FBXW7: variants seen among roughly 807,000 people sequenced by gnomAD.
FBXW7 encodes the protein F-box/WD repeat-containing protein 7.
In FBXW7, 11 loss-of-function variants were observed where a neutral mutation model predicts 86.3. The observed-to-expected ratio is 0.13, with a 90% CI of 0.08 to 0.21. The LOEUF (loss-of-function observed/expected upper bound fraction) is 0.21. Ranked by LOEUF, FBXW7 falls within the 10% of genes least tolerant of loss-of-function variation. The pLI, the probability that FBXW7 is intolerant of heterozygous loss-of-function variation, is 1.00. For synonymous variants in FBXW7, 313 were observed against 297.9 expected, an observed-to-expected ratio of 1.05 and a Z score of -0.52; for missense variants, 488 against 847.4, an observed-to-expected ratio of 0.58 and a Z score of 5.27.
At chr4:152,396,811 C>G (rs1017938110) in intron 4 of FBXW7, among the ~76,000 whole-genome samples, 2 of 151,918 alleles carry the variant, frequency 1.3e-5, no homozygotes, top group Non-Finnish European at 2.9e-5. Flanking sequence ...AGAAAACTAG[C>G]AAACACACCA....
intron 4 of FBXW7, among the ~76,000 whole-genome samples, chr4:152,398,165 A>T: frequency 6.6e-6 from 1 of 152,042 alleles, no homozygotes; most frequent in Non-Finnish European, 1.5e-5. Flanking sequence ...TGAGCAAGAC[A>T]TACTATACTA....
At chr4:152,476,431 C>T (rs762660539) in intron 2 of FBXW7, among the ~76,000 whole-genome samples, 49 of 152,016 alleles carry the variant, frequency 3.2e-4, no homozygotes, top group Non-Finnish European at 6.2e-4. Context: ...CAAAAAGTTC[C>T]TAAGACAATT....
intron 6 of FBXW7, among the ~76,000 whole-genome samples, chr4:152,345,599 G>A (rs972657913): frequency 2.0e-5 from 3 of 151,902 alleles, no homozygotes; most frequent in African/African-American, 7.3e-5. Context: ...AGACACTTTT[G>A]TCTCAACGCG....
At chr4:152,490,773 TATAATTA>T (rs1222652552) in intron 2 of FBXW7, among the ~76,000 whole-genome samples, 1 of 152,142 alleles carries the variant, frequency 6.6e-6, no homozygotes, top group African/African-American at 2.4e-5. Flanking sequence ...TGTTTAATGG[TATAATTA>T]TAAGCAAAGC....
chr4:152,520,350 G>A (rs531475446), intron 2 of FBXW7, among the ~76,000 whole-genome samples: 10 of 151,120 alleles, frequency 6.6e-5, no homozygotes, highest in East Asian at 3.9e-4. Context: ...GGAGAATGGC[G>A]TGAACCCGGG....
chr4:152,508,770 CT>C (rs569472685), intron 2 of FBXW7, among the ~76,000 whole-genome samples: 52 of 147,864 alleles, frequency 3.5e-4, no homozygotes, highest in African/African-American at 8.7e-4. Context: ...CCATAGGATA[CT>C]TTTTTTTTTC....
At chr4:152,357,750 T>C (rs1164700785) in intron 4 of FBXW7, among the ~76,000 whole-genome samples, 2 of 152,126 alleles carry the variant, frequency 1.3e-5, no homozygotes, top group Non-Finnish European at 2.9e-5. Context: ...TTCCTTCAGA[T>C]TGGGCCAAAT....
chr4:152,445,178 T>C (rs1741259763), intron 2 of FBXW7, among the ~76,000 whole-genome samples: 1 of 152,182 alleles, frequency 6.6e-6, no homozygotes, highest in Non-Finnish European at 1.5e-5. Context: ...ATGCTTTATA[T>C]GAATAATTTT....
chr4:152,405,461 G>A (rs1302143259), intron 4 of FBXW7, among the ~76,000 whole-genome samples: 1 of 152,138 alleles, frequency 6.6e-6, no homozygotes, highest in African/African-American at 2.4e-5. Context: ...ACTATGGTAA[G>A]ATATTGGAAG....
intron 2 of FBXW7, among the ~76,000 whole-genome samples, chr4:152,485,855 T>G (rs1745290393): frequency 2.0e-5 from 3 of 152,218 alleles, no homozygotes; most frequent in Admixed American, 2.0e-4. Context: ...GGCTAAATTT[T>G]AACAATTTGA....
intron 2 of FBXW7, among the ~76,000 whole-genome samples, chr4:152,443,747 G>A (rs1337536669): frequency 2.0e-5 from 3 of 152,128 alleles, no homozygotes; most frequent in Non-Finnish European, 4.4e-5. Context: ...TAATACAAGA[G>A]TTAAGAATAT....
At chr4:152,404,765 T>A (rs1055477598) in intron 4 of FBXW7, among the ~76,000 whole-genome samples, 1 of 152,116 alleles carries the variant, frequency 6.6e-6, no homozygotes, top group Non-Finnish European at 1.5e-5. Flanking sequence ...CGTGCCCATT[T>A]ACAATTTCTA....
At chr4:152,457,220 C>A (rs1028948556) in intron 2 of FBXW7, among the ~76,000 whole-genome samples, 4 of 152,054 alleles carry the variant, frequency 2.6e-5, no homozygotes, top group Non-Finnish European at 5.9e-5. Context: ...TGGTTGCCTG[C>A]GAAGTGGGGA....
chr4:152,335,288 C>A (rs1340325757), intron 7 of FBXW7, among the ~76,000 whole-genome samples: 4 of 151,698 alleles, frequency 2.6e-5, no homozygotes, highest in Admixed American at 2.0e-4. Flanking sequence ...GGGACATCCC[C>A]CCCTACCACC....
chr4:152,361,289 G>C (rs945858326), intron 4 of FBXW7, among the ~76,000 whole-genome samples: 3 of 151,866 alleles, frequency 2.0e-5, no homozygotes. Flanking sequence ...TTTAAAAAGA[G>C]GATTCTATTC....
intron 4 of FBXW7, among the ~76,000 whole-genome samples, chr4:152,388,246 C>G (rs1735714245): frequency 6.6e-6 from 1 of 152,070 alleles, no homozygotes; most frequent in Admixed American, 6.6e-5. Flanking sequence ...ACTGCACTTC[C>G]CTGCTAATTT....
chr4:152,446,708 TA>T (rs5863008), intron 2 of FBXW7, among the ~76,000 whole-genome samples: 1,929 of 152,316 alleles, frequency 0.013, 11 homozygotes, highest in Non-Finnish European at 0.021. Context: ...CTAACTTTTA[TA>T]AAAAGTAGTC....
intron 2 of FBXW7, among the ~76,000 whole-genome samples, chr4:152,468,123 T>A (rs1743621351): frequency 6.6e-6 from 1 of 152,068 alleles, no homozygotes; most frequent in Non-Finnish European, 1.5e-5. Context: ...CTAGAATGGC[T>A]GAAATACAAA....
chr4:152,336,738 G>A (rs1275635671), intron 7 of FBXW7, among the ~76,000 whole-genome samples: 1 of 152,012 alleles, frequency 6.6e-6, no homozygotes, highest in Non-Finnish European at 1.5e-5. Flanking sequence ...ATTTTAGGAA[G>A]AAAAGATTTT....
Sources: gnomAD v4.1 joint callset for allele counts (sites outside exome capture counted in the v4.1 genomes callset) on GRCh38, gnomAD v4.1.1 for gene constraint, MANE v1.5 for transcripts, NCBI Gene and HGNC (gene_info 2026-07-23, HGNC 2026-07-21) for gene names.